SGCD: variants seen among roughly 807,000 people sequenced by gnomAD.
SGCD encodes sarcoglycan delta.
A neutral mutation model predicts 36.6 loss-of-function variants in SGCD; 18 were observed. The observed-to-expected ratio is 0.49, with a 90% confidence interval of 0.34 to 0.73. The LOEUF (loss-of-function observed/expected upper bound fraction) is 0.73, where lower values mean the gene tolerates loss of function less well. SGCD is among the 30% of genes least tolerant of loss of function. SGCD has a pLI of 0.01. For missense variants in SGCD, 387 were observed against 346.7 expected (o/e 1.12, Z -0.92); for synonymous variants, 133 against 130.6 (o/e 1.02, Z -0.12).
chr5:156,733,816 T>G (rs1309672450), intron 7 of SGCD, among the ~76,000 whole-genome samples: 1 of 152,230 alleles, frequency 6.6e-6, no homozygotes, highest in Non-Finnish European at 1.5e-5. Context: ...CCCCTGCTTT[T>G]TAATGTTTTC....
chr5:156,107,683 G>C (rs947149451), intron 1 of SGCD, among the ~76,000 whole-genome samples: 2 of 151,970 alleles, frequency 1.3e-5, no homozygotes, highest in Admixed American at 1.3e-4. Context: ...GTTGATCTTT[G>C]TTTTTTTGTC....
the SGCD span, among the ~76,000 whole-genome samples, chr5:155,762,678 G>A: frequency 5.9e-5 from 9 of 152,210 alleles, no homozygotes; most frequent in East Asian, 9.7e-4. Flanking sequence ...GACCAGCTGG[G>A]ACTCTGACCT....
intron 3 of SGCD, among the ~76,000 whole-genome samples, chr5:156,167,044 A>G (rs1328128128): frequency 6.6e-6 from 1 of 151,960 alleles, no homozygotes; most frequent in Non-Finnish European, 1.5e-5. Context: ...GGCCTGACCC[A>G]TTCTCCAATT....
At chr5:156,489,931 A>C (rs1274134547) in intron 3 of SGCD, among the ~76,000 whole-genome samples, 1 of 152,024 alleles carries the variant, frequency 6.6e-6, no homozygotes, top group African/African-American at 2.4e-5. Flanking sequence ...TAAAGTAAAA[A>C]ATCTGATTTT....
At chr5:156,406,221 G>A (rs1164002009) in intron 3 of SGCD, among the ~76,000 whole-genome samples, 3 of 152,028 alleles carry the variant, frequency 2.0e-5, no homozygotes, top group African/African-American at 4.8e-5. Context: ...TGTTGGTGGT[G>A]ATGTCCTTCC....
chr5:156,206,402 T>C (rs1158743237), intron 3 of SGCD, among the ~76,000 whole-genome samples: 1 of 152,012 alleles, frequency 6.6e-6, no homozygotes. Flanking sequence ...AGGATGAATA[T>C]ATATAGAGTA....
intron 3 of SGCD, among the ~76,000 whole-genome samples, chr5:156,272,863 A>C (rs762537615): frequency 2.0e-5 from 3 of 152,178 alleles, no homozygotes; most frequent in Non-Finnish European, 2.9e-5. Context: ...CGCCACACTC[A>C]TTTGTTTATG....
In SGCD at chr5:156,764,607, CT is replaced by C. The variant is rs1021142029; in HGVS notation, c.*5222del. On this transcript the variant is annotated 3_prime_UTR_variant, in exon 9 of 9. Coordinates refer to ENST00000337851, the MANE Select transcript of SGCD (RefSeq NM_000337.6). ...GAGCATACATGTAAAAGAAAATAAC[CT>C]TTTTGGGGCAACTCATGCTCACACA... 7 of 152,434 alleles carry C rather than the reference CT, an allele frequency of 4.6e-5. No homozygotes were observed. The highest frequency in any genetic ancestry group is 1.7e-4 in the African/African-American group (7 of 41,406). 9.4% of individuals were successfully genotyped at this position (152,434 alleles called of 1,614,324 possible). A position where few individuals can be genotyped will look rare whatever the true frequency, so the allele number is the denominator to read the frequency against.
intron 1 of SGCD, among the ~76,000 whole-genome samples, chr5:156,009,911 T>TA (rs991380927): frequency 6.6e-6 from 1 of 152,156 alleles, no homozygotes; most frequent in Non-Finnish European, 1.5e-5. Flanking sequence ...TTTTAAAAAA[T>TA]AAAAAGCTAA....
chr5:155,742,985 G>A, the SGCD span, among the ~76,000 whole-genome samples: 3,086 of 152,318 alleles, frequency 0.02, 108 homozygotes, highest in African/African-American at 0.071. Context: ...GAGATACATA[G>A]TGTAAGGTTT....
At chr5:156,407,502 C>G (rs985496312) in intron 3 of SGCD, among the ~76,000 whole-genome samples, 1 of 152,078 alleles carries the variant, frequency 6.6e-6, no homozygotes, top group Non-Finnish European at 1.5e-5. Flanking sequence ...TCCCCAGAAA[C>G]TCATAAAATG....
chr5:155,972,815 A>G (rs896101462), intron 1 of SGCD, among the ~76,000 whole-genome samples: 2 of 152,140 alleles, frequency 1.3e-5, no homozygotes, highest in Non-Finnish European at 2.9e-5. Flanking sequence ...TTCTTGGATT[A>G]ACAGTGATTT....
chr5:156,639,570 G>A (rs1015829601), intron 6 of SGCD, among the ~76,000 whole-genome samples: 5 of 152,108 alleles, frequency 3.3e-5, no homozygotes, highest in African/African-American at 1.2e-4. Context: ...TATTTCTCTT[G>A]TCAAAAGGTT....
At chr5:156,473,880 C>A (rs148480739) in intron 3 of SGCD, among the ~76,000 whole-genome samples, 1 of 151,748 alleles carries the variant, frequency 6.6e-6, no homozygotes, top group Non-Finnish European at 1.5e-5. Flanking sequence ...CTGTATGTGT[C>A]AAGAAGTAAC....
Position 156,329,597 on chromosome 5 carries a change from G to T in SGCD, c.3+18G>T. 1 of 1,611,748 alleles carries T rather than the reference G, an allele frequency of 6.2e-7. No homozygotes were observed. Among genetic ancestry groups the T allele is most frequent in the Non-Finnish European group, 8.5e-7 (1 of 1,178,436 alleles). On this transcript the variant is annotated intron_variant, in intron 2 of 8. Coordinates refer to ENST00000337851, the MANE Select transcript of SGCD (RefSeq NM_000337.6). ...TGGAGATGGTGAGTAATTCCCGGGA[G>T]CGAAGCTTGTTCAAGGCCCTGCTCA...
chr5:155,824,009 A>G, the SGCD span, among the ~76,000 whole-genome samples: 69 of 152,346 alleles, frequency 4.5e-4, no homozygotes, highest in South Asian at 1.9e-3. Context: ...ATAAAAAGTC[A>G]GATTAACAAG....
At chr5:155,992,254 T>C (rs1758446208) in intron 1 of SGCD, among the ~76,000 whole-genome samples, 1 of 152,284 alleles carries the variant, frequency 6.6e-6, no homozygotes, top group Admixed American at 6.5e-5. Context: ...GTGCACACTC[T>C]AGAGAATTTA....
intron 5 of SGCD, 78 bp from the exon 6 acceptor site, chr5:156,594,854 A>T (rs1042859317): frequency 6.3e-6 from 6 of 957,590 alleles, no homozygotes; most frequent in Non-Finnish European, 8.1e-6. Context: ...TTGTAGTCAA[A>T]GCGATGAGAC....
rs1323371177 is a variant in SGCD at position 155,942,367 on chromosome 5, G to T, written c.-282+71943G>T. The stretch of plus-strand genomic sequence containing the variant: ...CTATCTATCTATCTATCTATCTATT[G>T]TCTGCCTACCTACCTAATCAATCAC... On this transcript the variant is annotated intron_variant, in intron 1 of 9. Coordinates refer to the SGCD transcript ENST00000517913. 9.8e-5 allele frequency among the ~76,000 whole-genome samples: 4 copies of T among 40,906 alleles called. No individual in the cohort carries two copies. The East Asian group carries it at 4.0e-3, about 41-fold the overall frequency. 26.8% of individuals were successfully genotyped at this position (40,906 alleles called of 152,430 possible). A position where few individuals can be genotyped will look rare whatever the true frequency, so the allele number is the denominator to read the frequency against.
Sources: gnomAD v4.1 joint callset for allele counts (sites outside exome capture counted in the v4.1 genomes callset) on GRCh38, gnomAD v4.1.1 for gene constraint, MANE v1.5 for transcripts, NCBI Gene and HGNC (gene_info 2026-07-23, HGNC 2026-07-21) for gene names.